The following AFF3 variants were observed in gnomAD, a reference collection of about 807,000 sequenced individuals.
The protein encoded by AFF3 is ALF transcription elongation factor 3.
In AFF3, 32 loss-of-function variants were observed where a neutral mutation model predicts 129.7. The observed-to-expected ratio is 0.25, with a 90% CI of 0.19 to 0.33. AFF3 has a LOEUF of 0.33. AFF3 is among the 10% of genes least tolerant of loss of function. The pLI is 1.00. For missense variants in AFF3, 1,373 were observed against 1,592.0 expected (o/e 0.86, Z 2.34); for synonymous variants, 644 against 635.4 (o/e 1.01, Z -0.20).
chr2:99,912,406 C>T (rs1164867111), intron 7 of AFF3, among the ~76,000 whole-genome samples: 1 of 152,196 alleles, frequency 6.6e-6, no homozygotes, highest in Non-Finnish European at 1.5e-5. Context: ...CTTCCAAATA[C>T]CGCATAACTT....
intron 4 of AFF3, among the ~76,000 whole-genome samples, chr2:100,041,526 C>A (rs1020099244): frequency 5.3e-5 from 8 of 151,938 alleles, no homozygotes; most frequent in African/African-American, 7.3e-5. Context: ...CCCCCACGTG[C>A]CCCCAAATCA....
At chr2:99,557,184 T>C (rs190117669) in intron 22 of AFF3, among the ~76,000 whole-genome samples, 1 of 152,270 alleles carries the variant, frequency 6.6e-6, no homozygotes, top group East Asian at 1.9e-4. Context: ...CAATTTGTTG[T>C]TGATTAATTA....
intron 13 of AFF3, among the ~76,000 whole-genome samples, chr2:99,608,910 C>A (rs1371367624): frequency 5.9e-5 from 9 of 152,168 alleles, no homozygotes; most frequent in Non-Finnish European, 4.4e-5. Flanking sequence ...GCCTGTGGGG[C>A]ACCATTCTGA....
chr2:99,658,313 T>C (rs931324713), intron 12 of AFF3, among the ~76,000 whole-genome samples: 2 of 152,050 alleles, frequency 1.3e-5, no homozygotes, highest in African/African-American at 2.4e-5. Context: ...GGGGGACACA[T>C]GCCTGGTGTG....
At chr2:100,134,909 G>T (rs1251877871) in intron 1 of AFF3, among the ~76,000 whole-genome samples, 16 of 152,228 alleles carry the variant, frequency 1.1e-4, no homozygotes, top group Admixed American at 1.0e-3. Flanking sequence ...TAAATGCAGT[G>T]AACAGGGAGA....
At chr2:99,958,500 A>G (rs1427457620) in intron 7 of AFF3, among the ~76,000 whole-genome samples, 7 of 151,040 alleles carry the variant, frequency 4.6e-5, no homozygotes, top group Non-Finnish European at 7.4e-5. Context: ...AAAAAAAAAA[A>G]GGGAGGACAC....
chr2:99,553,037 A>C (rs939162597), intron 24 of AFF3, among the ~76,000 whole-genome samples: 4 of 152,094 alleles, frequency 2.6e-5, no homozygotes, highest in Admixed American at 6.5e-5. Context: ...TCCAGGTTCA[A>C]GCGATTCTCC....
chr2:99,816,176 A>G (rs1214650481), intron 8 of AFF3, among the ~76,000 whole-genome samples: 2 of 151,122 alleles, frequency 1.3e-5, no homozygotes, highest in Non-Finnish European at 2.9e-5. Context: ...TCTGTTTTCC[A>G]TTTTAAAAAT....
At chr2:99,660,239 G>A (rs1686110722) in intron 12 of AFF3, among the ~76,000 whole-genome samples, 1 of 152,172 alleles carries the variant, frequency 6.6e-6, no homozygotes. Context: ...AAATACAAAT[G>A]TTACTTTGTT....
chr2:100,013,439 T>A (rs1030301172), intron 4 of AFF3, among the ~76,000 whole-genome samples: 3 of 152,212 alleles, frequency 2.0e-5, no homozygotes, highest in African/African-American at 7.2e-5. Flanking sequence ...GTTAACTCTT[T>A]TAAAGATCAA....
chr2:100,037,465 TA>T, intron 4 of AFF3, among the ~76,000 whole-genome samples: 1 of 113,468 alleles, frequency 8.8e-6, no homozygotes, highest in South Asian at 2.5e-4. Flanking sequence ...TATATATAAA[TA>T]TATATTTATA....
chr2:100,108,962 A>G (rs1378128554), intron 2 of AFF3, among the ~76,000 whole-genome samples: 1 of 121,840 alleles, frequency 8.2e-6, no homozygotes, highest in African/African-American at 3.2e-5. Flanking sequence ...TCCCTAAGGA[A>G]TGCACCTTCC....
chr2:100,035,314 C>T (rs960012042), intron 4 of AFF3, among the ~76,000 whole-genome samples: 1 of 152,220 alleles, frequency 6.6e-6, no homozygotes, highest in African/African-American at 2.4e-5. Flanking sequence ...AAGAAATCGT[C>T]ACTGACTTAG....
chr2:99,948,195 A>G (rs1471338906), intron 7 of AFF3, among the ~76,000 whole-genome samples: 1 of 152,070 alleles, frequency 6.6e-6, no homozygotes, highest in Non-Finnish European at 1.5e-5. Context: ...TGGGACTCGG[A>G]GCTCTCTGGT....
intron 4 of AFF3, among the ~76,000 whole-genome samples, chr2:100,067,862 C>T (rs1233430635): frequency 2.6e-5 from 4 of 152,062 alleles, no homozygotes; most frequent in African/African-American, 9.7e-5. Flanking sequence ...TAAATAATGG[C>T]CCAGAAGACA....
Position 99,593,219 on chromosome 2 carries a change from C to A in AFF3, c.2442G>T (p.Leu814Phe), listed in dbSNP as rs1238987100. 1 of 1,591,850 alleles carries A rather than the reference C, an allele frequency of 6.3e-7. No homozygotes were observed. Among genetic ancestry groups the A allele is most frequent in the Admixed American group, 1.7e-5 (1 of 57,916 alleles). ...CCTTGCGTTTCCTCTTGGATTTTGGCAAAGCCTTTTCTGCAGGTGTGTCCG... is the reference window on the plus strand; with the variant it reads ...CCTTGCGTTTCCTCTTGGATTTTGGAAAAGCCTTTTCTGCAGGTGTGTCCG... ...HTSDTPAEKA[L>F]PKSKRKRKCD... The change falls in exon 15 of 25, where the codon TTG becomes TTT. Residue 814 changes from leucine (L) to phenylalanine (F), a missense_variant. This residue lies in a region of AFF3 where 466 missense variants were observed against 505.0 expected (regional missense o/e 0.92). Transcript: ENST00000672756.
intron 2 of AFF3, among the ~76,000 whole-genome samples, chr2:100,115,100 C>A (rs1691687782): frequency 6.6e-6 from 1 of 152,138 alleles, no homozygotes; most frequent in Admixed American, 6.5e-5. Context: ...GTGGGATTTC[C>A]TGGTGATCTT....
intron 7 of AFF3, among the ~76,000 whole-genome samples, chr2:99,919,744 C>T (rs1003119978): frequency 6.6e-6 from 1 of 151,128 alleles, no homozygotes; most frequent in Non-Finnish European, 1.5e-5. Context: ...AATGAAACAA[C>T]TGAAAAATAA....
chr2:99,986,802 G>A (rs1263581362), intron 7 of AFF3, among the ~76,000 whole-genome samples: 2 of 152,176 alleles, frequency 1.3e-5, no homozygotes, highest in Non-Finnish European at 1.5e-5. Context: ...AGGGTTGACT[G>A]GGAGTTTAAA....
Sources: gnomAD v4.1 joint callset for allele counts (sites outside exome capture counted in the v4.1 genomes callset) on GRCh38, gnomAD v4.1.1 for gene constraint, gnomAD v4.1.1 regional missense constraint, MANE v1.5 for transcripts, NCBI Gene and HGNC (gene_info 2026-07-23, HGNC 2026-07-21) for gene names.